The following CASR variants were observed in gnomAD, a reference collection of about 807,000 sequenced individuals.
CASR encodes the protein calcium sensing receptor.
In CASR, 23 loss-of-function variants were observed where a neutral mutation model predicts 69.1. The observed-to-expected ratio is 0.33, with a 90% CI of 0.24 to 0.47. The LOEUF (loss-of-function observed/expected upper bound fraction) is 0.47. Ranked by LOEUF, CASR falls within the 20% of genes least tolerant of loss-of-function variation. CASR has a pLI of 1.00. For synonymous variants in CASR, 541 were observed against 544.7 expected, an observed-to-expected ratio of 0.99 and a Z score of 0.10; for missense variants, 924 against 1,356.1, an observed-to-expected ratio of 0.68 and a Z score of 5.00.
intron 1 of CASR, among the ~76,000 whole-genome samples, chr3:122,220,139 TA>T (rs2074156265): frequency 6.6e-6 from 1 of 152,158 alleles, no homozygotes; most frequent in Non-Finnish European, 1.5e-5. Context: ...CTCCATTTTT[TA>T]AAAAGAGAGA....
rs546382405 is a variant in CASR at position 122,202,822 on chromosome 3, A to G, written c.-243+19010A>G. Reference sequence around the variant, plus strand: ...CATTTAAATCTTCAAGGCATTTGCAATTGATTTTTGTGTATGATTTGAGTA... The same window carrying G: ...CATTTAAATCTTCAAGGCATTTGCAGTTGATTTTTGTGTATGATTTGAGTA... On this transcript the variant is annotated intron_variant, in intron 1 of 6. Coordinates refer to ENST00000639785, the MANE Select transcript of CASR (RefSeq NM_000388.4). 7.0e-4 allele frequency among the ~76,000 whole-genome samples: 106 copies of G among 152,306 alleles called. 1 individual carries two copies. Among genetic ancestry groups the G allele is most frequent in the Admixed American group, 1.8e-3 (28 of 15,296 alleles).
At chr3:122,189,562 A>G (rs1249311824) in intron 1 of CASR, among the ~76,000 whole-genome samples, 1 of 152,190 alleles carries the variant, frequency 6.6e-6, no homozygotes, top group Non-Finnish European at 1.5e-5. Context: ...ATCAGTGATG[A>G]TGGGGGCAAA....
At chr3:122,246,869 A>G (rs2074433365) in intron 1 of CASR, 2 of 152,220 alleles carry the variant, frequency 1.3e-5, no homozygotes, top group Non-Finnish European at 1.5e-5. Context: ...CTTTCTATGT[A>G]CAATAGAAAC....
At chr3:122,258,802 T>C (rs1043547758) in intron 3 of CASR, among the ~76,000 whole-genome samples, 2 of 152,150 alleles carry the variant, frequency 1.3e-5, no homozygotes, top group Non-Finnish European at 2.9e-5. Flanking sequence ...TAGAGAGCTT[T>C]AAAAATACTG....
intron 3 of CASR, 173 bp downstream of exon 3, chr3:122,257,560 T>G (rs1178356966): frequency 3.4e-6 from 2 of 586,584 alleles, no homozygotes; most frequent in East Asian, 5.6e-5. Context: ...AACTCCAGTG[T>G]CCACAATATC....
At chr3:122,246,258 A>T (rs1050444216) in intron 1 of CASR, among the ~76,000 whole-genome samples, 3 of 152,226 alleles carry the variant, frequency 2.0e-5, no homozygotes, top group African/African-American at 7.2e-5. Flanking sequence ...AACTGGGGAC[A>T]GTTCTTATTG....
intron 2 of CASR, among the ~76,000 whole-genome samples, chr3:122,254,643 C>T (rs529928973): frequency 1.1e-4 from 17 of 152,244 alleles, no homozygotes; most frequent in African/African-American, 3.6e-4. Flanking sequence ...AAGTTATCAT[C>T]GTTCACCTGG....
intron 1 of CASR, among the ~76,000 whole-genome samples, chr3:122,249,431 CA>C (rs1386277032): frequency 6.6e-6 from 1 of 152,210 alleles, no homozygotes; most frequent in Non-Finnish European, 1.5e-5. Context: ...TGGTATCTAG[CA>C]CATAGAGAGC....
chr3:122,278,946 A>G (rs539745116), intron 5 of CASR, among the ~76,000 whole-genome samples: 2 of 152,300 alleles, frequency 1.3e-5, no homozygotes, highest in South Asian at 4.2e-4. Context: ...ACACATGACT[A>G]CCCAGATTCA....
rs547599081 is a variant in CASR at position 122,186,045 on chromosome 3, G to GA, written c.-243+2244dup. On this transcript the variant is annotated intron_variant, in intron 1 of 6. Transcript: ENST00000639785. ...TATGCTAGACCAAAACATAGTAAGT[G>GA]AAAAAAAAAAATCAGCAAATCAACC... Among the ~76,000 whole-genome samples the GA allele has an allele frequency of 7.6e-3, 1,100 of 145,684 alleles. 6 individuals carry two copies. The highest frequency in any genetic ancestry group is 0.021 in the African/African-American group (840 of 39,864).
chr3:122,212,686 G>A (rs573292670), intron 1 of CASR, among the ~76,000 whole-genome samples: 1 of 151,198 alleles, frequency 6.6e-6, no homozygotes, highest in South Asian at 2.1e-4. Context: ...TTGTTGCCCA[G>A]GCTGAAGTGT....
chr3:122,249,531 T>C (rs1363012407), intron 1 of CASR, among the ~76,000 whole-genome samples: 1 of 152,244 alleles, frequency 6.6e-6, no homozygotes, highest in Non-Finnish European at 1.5e-5. Flanking sequence ...TGCCCTCATC[T>C]CCGATCCTTG....
At chr3:122,263,658 T>C (rs1276663081) in intron 4 of CASR, among the ~76,000 whole-genome samples, 1 of 152,206 alleles carries the variant, frequency 6.6e-6, no homozygotes, top group African/African-American at 2.4e-5. Flanking sequence ...CTGTCTAAGT[T>C]GGTCAAATAG....
intron 1 of CASR, among the ~76,000 whole-genome samples, chr3:122,195,596 C>T (rs745578163): frequency 3.9e-5 from 6 of 152,114 alleles, no homozygotes; most frequent in Admixed American, 6.5e-5. Flanking sequence ...GTTGACAATG[C>T]GTTAGGCATT....
Position 122,283,965 on chromosome 3 carries a change from G to A in CASR, c.2011G>A (p.Glu671Lys). The change falls in exon 7 of 7, where the codon GAG (glutamate) becomes AAG (lysine). Residue 671 changes from glutamate (E) to lysine (K), a missense_variant. Transcript: ENST00000639785. Reference protein sequence around the residue: ...CFSSSLFFIGEPQDWTCRLRQ... With the variant: ...CFSSSLFFIGKPQDWTCRLRQ... ...CTCCAGCTCCCTGTTCTTCATCGGGGAGCCCCAGGACTGGACGTGCCGCCT... is the reference window on the plus strand; with the variant it reads ...CTCCAGCTCCCTGTTCTTCATCGGGAAGCCCCAGGACTGGACGTGCCGCCT... The A allele has an allele frequency of 1.9e-6, 3 of 1,613,530 alleles. No homozygotes were observed. Among genetic ancestry groups the A allele is most frequent in the South Asian group, 1.1e-5 (1 of 91,058 alleles).
chr3:122,257,383 C>G lies in CASR; in HGVS notation c.488C>G (p.Pro163Arg). The G allele has an allele frequency of 6.2e-7, 1 of 1,613,086 alleles. No homozygotes were observed. Among genetic ancestry groups the G allele is most frequent in the Non-Finnish European group, 8.5e-7 (1 of 1,179,390 alleles). Residue 163 changes from proline (P) to arginine (R), a missense_variant, in exon 3 of 7, where the codon CCC becomes CGC. Physicochemically the swap from Pro to Arg is moderately radical, Grantham distance 103. This residue lies in a region of CASR where 141 missense variants were observed against 283.0 expected (regional missense o/e 0.50). Transcript: ENST00000639785. ...VANLLGLFYI[P>R]QVSYASSSRL... Reference sequence around the variant, plus strand: ...AATCTGCTGGGGCTCTTCTACATTCCCCAGGTACTCAAGCCTTCTCAGGCG... The same window carrying G: ...AATCTGCTGGGGCTCTTCTACATTCGCCAGGTACTCAAGCCTTCTCAGGCG...
At chr3:122,212,499 A>G (rs1040943092) in intron 1 of CASR, among the ~76,000 whole-genome samples, 1 of 152,326 alleles carries the variant, frequency 6.6e-6, no homozygotes, top group East Asian at 1.9e-4. Flanking sequence ...GCAAACCACC[A>G]CGGCACATGT....
intron 1 of CASR, among the ~76,000 whole-genome samples, chr3:122,200,278 C>A (rs2073929122): frequency 1.3e-5 from 2 of 152,074 alleles, no homozygotes; most frequent in African/African-American, 4.8e-5. Flanking sequence ...TGCTAATTAC[C>A]CTGATTTGAT....
rs2074412259 is a variant in CASR, at chr3:122,244,931, T to A, written c.-242-9017T>A. Among the ~76,000 whole-genome samples, 3 of 152,194 alleles carry A rather than the reference T, an allele frequency of 2.0e-5. No homozygotes were observed. In the South Asian group the frequency reaches 6.2e-4, roughly 32 times the overall value. ...AGTAAAATCTTTTTTGCAATGTTTTTCATGTTTAACGTTTATGTCCCTTCA... is the reference window on the plus strand; with the variant it reads ...AGTAAAATCTTTTTTGCAATGTTTTACATGTTTAACGTTTATGTCCCTTCA... On this transcript the variant is annotated intron_variant, in intron 1 of 6. Coordinates refer to ENST00000639785, the MANE Select transcript of CASR (RefSeq NM_000388.4).
Sources: allele counts gnomAD v4.1 joint callset (sites outside exome capture counted in the v4.1 genomes callset), GRCh38; gene constraint gnomAD v4.1.1; regional missense constraint gnomAD v4.1.1; transcripts MANE v1.5; gene names NCBI Gene and HGNC (gene_info 2026-07-23, HGNC 2026-07-21).